Variants in ZMAT1 observed in about 807,000 individuals in gnomAD.
The protein encoded by ZMAT1 is zinc finger matrin-type 1.
ZMAT1 carries 11 observed loss-of-function variants against 18.5 expected under a neutral mutation model. The observed-to-expected ratio is 0.59, with a 90% CI of 0.37 to 0.98. ZMAT1 has a LOEUF of 0.98. ZMAT1 is among the 50% of genes least tolerant of loss of function. The pLI is 0.01. For synonymous variants in ZMAT1, 211 were observed against 176.4 expected, an observed-to-expected ratio of 1.20 and a Z score of -1.55; for missense variants, 525 against 496.2, an observed-to-expected ratio of 1.06 and a Z score of -0.55.
intron 4 of ZMAT1, chrX:101,894,420 G>A (rs1035481229): frequency 1.3e-6 from 1 of 750,822 alleles, no homozygotes; most frequent in African/African-American, 2.3e-5. Context: ...AATATATGAA[G>A]TTAAGAAGGT....
At chrX:101,886,024 G>T (rs1888352911) in intron 5 of ZMAT1, among the ~76,000 whole-genome samples, 1 of 111,537 alleles carries the variant, frequency 9.0e-6, no homozygotes, top group Non-Finnish European at 1.9e-5. Flanking sequence ...AATACCCTTT[G>T]CTACCTGAAC....
At chrX:101,892,795 A>G (rs1373790091) in intron 4 of ZMAT1, 43 of 675,277 alleles carry the variant, frequency 6.4e-5, no homozygotes, top group Non-Finnish European at 7.0e-5. Context: ...AATGATGAAG[A>G]AAAAGAGAAA....
At chrX:101,903,205 C>T (rs1370908559) in intron 2 of ZMAT1, among the ~76,000 whole-genome samples, 1 of 111,389 alleles carries the variant, frequency 9.0e-6, no homozygotes, top group African/African-American at 3.3e-5. Flanking sequence ...ATGTGCTAGG[C>T]ACTCTCACAC....
At chrX:101,911,485 A>T (rs1461973785) in intron 1 of ZMAT1, 1 of 708,530 alleles carries the variant, frequency 1.4e-6, no homozygotes, top group East Asian at 3.5e-5. Flanking sequence ...TTTTCAAGAC[A>T]TAGTACAGTA....
chrX:101,912,250 C>G (rs1929019684), intron 1 of ZMAT1, among the ~76,000 whole-genome samples: 1 of 111,975 alleles, frequency 8.9e-6, no homozygotes, highest in Non-Finnish European at 1.9e-5. Context: ...CATGGGACCA[C>G]CAAGCTCTAG....
At position 101,883,920 on chromosome X, in the gene ZMAT1, G is replaced by A. The variant is rs768283759; in HGVS notation, c.1678C>T (p.Gln560Ter). ...PEKPVPLSLN[Q>*]QENNSGSYSV... ...TATGAGCCAGAGTTATTTTCTTGCT[G>A]ATTAAGGCTCAAGGGTACTGGTTTT... The change falls in exon 6 of 6, where the codon CAG becomes TAG. Residue 560 changes from glutamine (Q) to a stop codon, truncating the protein, a stop_gained. Transcript: ENST00000651725. LOFTEE classifies it low-confidence loss of function (END_TRUNC). 1 of 1,210,403 alleles carries A rather than the reference G, an allele frequency of 8.3e-7. No homozygotes were observed. Among genetic ancestry groups the A allele is most frequent in the Non-Finnish European group, 1.1e-6 (1 of 895,016 alleles).
chrX:101,931,264 G>T (rs1311008904), intron 1 of ZMAT1, among the ~76,000 whole-genome samples: 1 of 111,586 alleles, frequency 9.0e-6, no homozygotes, highest in African/African-American at 3.3e-5. Context: ...TATTTCTTCG[G>T]TATTTCCTCT....
At chrX:101,929,485 AG>A (rs1232834489) in intron 1 of ZMAT1, among the ~76,000 whole-genome samples, 3,011 of 101,264 alleles carry the variant, frequency 0.03, 116 homozygotes, top group African/African-American at 0.093. Flanking sequence ...AGAGAGAGAG[AG>A]AGAGAGACAC....
In ZMAT1 at chrX:101,882,473, G is replaced by C. The variant is rs1329628421; in HGVS notation, c.*1037C>G. The C allele has an allele frequency of 1.8e-5, 2 of 111,697 alleles. No individual in the cohort carries two copies. Among genetic ancestry groups the C allele is most frequent in the East Asian group, 5.7e-4 (2 of 3,538 alleles). 9.2% of individuals were successfully genotyped at this position (111,697 alleles called of 1,213,427 possible). ...ATTAGATTTAACAAAGAAAAAATCA[G>C]TTTAAGTTATTTCATACATATTCCT... On this transcript the variant is annotated 3_prime_UTR_variant, in exon 6 of 6. Transcript: ENST00000651725.
At position 101,884,179 on chromosome X, in the gene ZMAT1, C is replaced by G; in HGVS notation, c.1419G>C (p.Lys473Asn). Reference sequence around the variant, plus strand: ...GTGTTTCTACAGAGCTATCTCCTATCTTTCTGAAACAAGTTTTTGGCTCTA... The same window carrying G: ...GTGTTTCTACAGAGCTATCTCCTATGTTTCTGAAACAAGTTTTTGGCTCTA... ...RGLEPKTCFR[K>N]IGDSSVETHR... Residue 473 changes from lysine (K) to asparagine (N), a missense_variant, in exon 6 of 6, where the codon AAG becomes AAC. Lys to Asn is a moderately conservative substitution (Grantham distance 94, BLOSUM62 0). Transcript: ENST00000651725. 1 of 1,211,254 alleles carries G rather than the reference C, an allele frequency of 8.3e-7. No homozygotes were observed. The highest frequency in any genetic ancestry group is 1.1e-6 in the Non-Finnish European group (1 of 895,291).
chrX:101,883,585 C>T lies in ZMAT1; in HGVS notation c.2013G>A (p.Arg671=). Residue 671 remains arginine, a synonymous_variant, in exon 6 of 6, where the codon AGG becomes AGA. Coordinates refer to ENST00000651725, the MANE Select transcript of ZMAT1 (RefSeq NM_001394560.1). ...CTTCAACAGATTTCTTTTTCTCTTT[C>T]CTGTGCTTACGTTCTTCTTTCTCGG... ...VPSEKEERKH[R]KEKKKSVEER... is the part of the protein sequence containing the mutation. The T allele has an allele frequency of 8.3e-7, 1 of 1,205,167 alleles. No individual in the cohort carries two copies. The highest frequency in any genetic ancestry group is 1.1e-6 in the Non-Finnish European group (1 of 893,785).
At chrX:101,896,838 G>A (rs1047576873) in intron 4 of ZMAT1, among the ~76,000 whole-genome samples, 6 of 109,142 alleles carry the variant, frequency 5.5e-5, no homozygotes, top group Non-Finnish European at 9.5e-5. Flanking sequence ...ATATGTGCTG[G>A]TGACCCAACA....
chrX:101,891,532 T>C (rs954863040), intron 4 of ZMAT1, among the ~76,000 whole-genome samples: 1 of 110,778 alleles, frequency 9.0e-6, no homozygotes, highest in Non-Finnish European at 1.9e-5. Context: ...CGGGGGTGGA[T>C]AGTCAAAATA....
At position 101,931,935 on chromosome X, in the gene ZMAT1, G is replaced by A. The variant is rs1930537347; in HGVS notation, c.74C>T (p.Ala25Val). The A allele has an allele frequency of 5.1e-6, 4 of 781,635 alleles. No individual in the cohort carries two copies. Among genetic ancestry groups the A allele is most frequent in the African/African-American group, 2.3e-5 (1 of 43,775 alleles). 64.4% of individuals were successfully genotyped at this position (781,635 alleles called of 1,213,427 possible). Residue 25 changes from alanine to valine, a missense_variant, in exon 1 of 6, where the codon GCC becomes GTC. Transcript: ENST00000651725. ...GCAGGCGGTGTAGGAGGAGGAGGAG[G>A]CGGCAGAGACGGTAGCTTCCTGAGG... is the stretch of plus-strand genomic sequence containing the variant. ...SSPQEATVSAASSSSYTACAA... is the reference protein window; with the variant it reads ...SSPQEATVSAVSSSSYTACAA...
intron 4 of ZMAT1, chrX:101,890,337 C>T (rs950101248): frequency 1.8e-5 from 2 of 111,587 alleles, no homozygotes; most frequent in Non-Finnish European, 3.8e-5. Flanking sequence ...AACAGTAAAG[C>T]CTATGAGAAA....
At chrX:101,898,402 C>T (rs766745933) in intron 2 of ZMAT1, among the ~76,000 whole-genome samples, 182 bp from the exon 3 acceptor site, 2 of 111,856 alleles carry the variant, frequency 1.8e-5, no homozygotes, top group East Asian at 5.6e-4. Flanking sequence ...AATTTAGAAG[C>T]CAATAACTTT....
Position 101,918,151 on chromosome X carries a change from A to G in ZMAT1, c.292+13566T>C, listed in dbSNP as rs187604654. On this transcript the variant is annotated intron_variant, in intron 1 of 5. Coordinates refer to ENST00000651725, the MANE Select transcript of ZMAT1 (RefSeq NM_001394560.1). ...AAGGTGCTTATTGTCAGTAATAACCATATATTTTTAAATAATGCAAACAGT... is the reference window on the plus strand; with the variant it reads ...AAGGTGCTTATTGTCAGTAATAACCGTATATTTTTAAATAATGCAAACAGT... 2.6e-3 allele frequency among the ~76,000 whole-genome samples: 295 copies of G among 111,540 alleles called. 1 individual carries two copies. Among genetic ancestry groups the G allele is most frequent in the Non-Finnish European group, 4.6e-3 (243 of 53,144 alleles).
At chrX:101,892,297 G>A (rs1324489223) in intron 4 of ZMAT1, among the ~76,000 whole-genome samples, 1 of 111,277 alleles carries the variant, frequency 9.0e-6, no homozygotes, top group Admixed American at 9.5e-5. Flanking sequence ...ACTGATCCAG[G>A]GTTGAAATCC....
At chrX:101,929,636 A>G (rs1037847149) in intron 1 of ZMAT1, among the ~76,000 whole-genome samples, 1 of 110,033 alleles carries the variant, frequency 9.1e-6, no homozygotes, top group Non-Finnish European at 1.9e-5. Context: ...AAATGGTAAG[A>G]GAGAATTTTT....
Sources: allele counts gnomAD v4.1 joint callset (sites outside exome capture counted in the v4.1 genomes callset), GRCh38; gene constraint gnomAD v4.1.1; transcripts MANE v1.5; gene names NCBI Gene and HGNC (gene_info 2026-07-23, HGNC 2026-07-21).